Variants in TMEM150C observed in about 807,000 individuals in gnomAD.
The protein encoded by TMEM150C is transmembrane protein 150C.
In TMEM150C, 10 loss-of-function variants were observed where a neutral mutation model predicts 29.9. That is an observed-to-expected ratio of 0.33 (90% CI 0.21 to 0.57). TMEM150C has a LOEUF of 0.57. TMEM150C is among the 20% of genes least tolerant of loss of function. The probability of loss-of-function intolerance (pLI) is 0.88; values close to 1 mark genes in which losing one functional copy is unlikely to be tolerated. For missense variants in TMEM150C, 251 were observed against 303.6 expected (o/e 0.83, Z 1.29); for synonymous variants, 101 against 112.5 (o/e 0.90, Z 0.64).
At chr4:82,560,149 T>A (rs1351240717) in intron 1 of TMEM150C, among the ~76,000 whole-genome samples, 1 of 152,130 alleles carries the variant, frequency 6.6e-6, no homozygotes, top group African/African-American at 2.4e-5. Context: ...TAGAGCAAAT[T>A]ATCCCCCCAC....
chr4:82,518,281 A>C (rs1053026534), intron 1 of TMEM150C, among the ~76,000 whole-genome samples: 71 of 151,384 alleles, frequency 4.7e-4, no homozygotes, highest in African/African-American at 1.7e-3. Context: ...AAGCAACTCC[A>C]CTCCAGCCTG....
At chr4:82,523,961 T>C (rs932142301) in intron 1 of TMEM150C, among the ~76,000 whole-genome samples, 1 of 151,810 alleles carries the variant, frequency 6.6e-6, no homozygotes, top group African/African-American at 2.4e-5. Context: ...GGATTACAGG[T>C]GTGAGCCACT....
chr4:82,521,140 A>G (rs551318769), intron 1 of TMEM150C, among the ~76,000 whole-genome samples: 1 of 152,318 alleles, frequency 6.6e-6, no homozygotes, highest in African/African-American at 2.4e-5. Context: ...TTCCCTGAGC[A>G]TCCCATTGAA....
chr4:82,517,399 C>T (rs1248102798), intron 1 of TMEM150C, among the ~76,000 whole-genome samples: 2 of 152,102 alleles, frequency 1.3e-5, no homozygotes, highest in African/African-American at 4.8e-5. Context: ...CCTGAGTGTG[C>T]TTGTCAGGAT....
At chr4:82,496,883 G>A (rs1448416305) in intron 5 of TMEM150C, among the ~76,000 whole-genome samples, 2 of 152,214 alleles carry the variant, frequency 1.3e-5, no homozygotes, top group African/African-American at 2.4e-5. Context: ...ATCCAAATTA[G>A]AGAAGTGACA....
chr4:82,547,751 G>A (rs1012547314), intron 1 of TMEM150C, among the ~76,000 whole-genome samples: 1 of 152,190 alleles, frequency 6.6e-6, no homozygotes, highest in African/African-American at 2.4e-5. Context: ...AGGAACTGTT[G>A]GTGGGAATAT....
intron 1 of TMEM150C, among the ~76,000 whole-genome samples, chr4:82,546,341 T>C (rs1432295929): frequency 6.6e-6 from 1 of 152,242 alleles, no homozygotes; most frequent in East Asian, 1.9e-4. Flanking sequence ...GACTATACTA[T>C]AAGGTTACAG....
chr4:82,501,247 A>T (rs1292926158), intron 5 of TMEM150C, among the ~76,000 whole-genome samples: 1 of 152,230 alleles, frequency 6.6e-6, no homozygotes, highest in Non-Finnish European at 1.5e-5. Context: ...GGCTGAAAGC[A>T]GTGACAACCA....
chr4:82,507,346 G>T lies in TMEM150C; in HGVS notation c.-10-2679C>A, dbSNP rs143560371. On this transcript the variant is annotated intron_variant, in intron 1 of 7. Coordinates refer to ENST00000449862, the MANE Select transcript of TMEM150C (RefSeq NM_001080506.3). ...TTTTAGGAATGTCTATATGGGAATC[G>T]AAATTTTCAAGCAGGGAGGTAGAGT... Among the ~76,000 whole-genome samples, 365 of 152,252 alleles carry T rather than the reference G, an allele frequency of 2.4e-3. 1 individual carries two copies. The highest frequency in any genetic ancestry group is 8.1e-3 in the African/African-American group (337 of 41,552).
rs562648516 is a variant in TMEM150C, at chr4:82,554,969, T to C, written c.-11+6937A>G. Among the ~76,000 whole-genome samples the C allele has an allele frequency of 9.8e-5, 15 of 152,334 alleles. No homozygotes were observed. The South Asian group carries it at 3.1e-3, about 32-fold the overall frequency. On this transcript the variant is annotated intron_variant, in intron 1 of 7. Transcript: ENST00000449862. ...TTTTTCACGTTAGACACAGCTTCTG[T>C]ACTTTTTAAAGGAAAGTAAGCATGA...
intron 1 of TMEM150C, among the ~76,000 whole-genome samples, chr4:82,531,754 CAAAA>C (rs757992713): frequency 1.6e-5 from 1 of 62,288 alleles, no homozygotes; most frequent in African/African-American, 4.6e-5. Context: ...GACTCTGTCT[CAAAA>C]AAAAAAAAAA....
intron 7 of TMEM150C, 125 bp from the exon 8 acceptor site, chr4:82,485,844 T>G: frequency 1.3e-6 from 1 of 797,406 alleles, no homozygotes; most frequent in Non-Finnish European, 2.0e-6. Context: ...GGTAGCCTGC[T>G]AGAGCTTGTT....
chr4:82,523,079 T>G (rs1315476562), intron 1 of TMEM150C, among the ~76,000 whole-genome samples: 1 of 152,088 alleles, frequency 6.6e-6, no homozygotes, highest in African/African-American at 2.4e-5. Context: ...ACAGCTTTGA[T>G]GAGTGGAGGA....
intron 6 of TMEM150C, chr4:82,490,951 TG>T (rs1331614548): frequency 4.1e-6 from 3 of 728,386 alleles, no homozygotes; most frequent in Non-Finnish European, 5.1e-6. Flanking sequence ...TTTTTGTAAT[TG>T]GTCCTGATAG....
chr4:82,516,793 T>C (rs996739428), intron 1 of TMEM150C, among the ~76,000 whole-genome samples: 8 of 152,286 alleles, frequency 5.3e-5, no homozygotes, highest in African/African-American at 1.7e-4. Flanking sequence ...AAGGAACAAA[T>C]CCTTCAAATA....
At chr4:82,560,688 C>A (rs545897275) in intron 1 of TMEM150C, among the ~76,000 whole-genome samples, 1 of 152,132 alleles carries the variant, frequency 6.6e-6, no homozygotes, top group Non-Finnish European at 1.5e-5. Flanking sequence ...TTAATGACTG[C>A]TACCATGGAG....
intron 5 of TMEM150C, among the ~76,000 whole-genome samples, chr4:82,502,365 G>GCT (rs1219482593): frequency 6.6e-6 from 1 of 151,954 alleles, no homozygotes; most frequent in East Asian, 1.9e-4. Context: ...TTTCATCTTT[G>GCT]CTAGTGAAGG....
At chr4:82,548,322 A>G (rs1725452813) in intron 1 of TMEM150C, among the ~76,000 whole-genome samples, 1 of 152,202 alleles carries the variant, frequency 6.6e-6, no homozygotes, top group Non-Finnish European at 1.5e-5. Context: ...TGTACCTCCT[A>G]AACAGCTGAA....
intron 1 of TMEM150C, among the ~76,000 whole-genome samples, chr4:82,557,975 C>G (rs1392908466): frequency 2.0e-5 from 3 of 152,076 alleles, no homozygotes; most frequent in African/African-American, 7.2e-5. Context: ...TCATGATCCA[C>G]CCGCCTCAGC....
Sources: gnomAD v4.1 joint callset for allele counts (sites outside exome capture counted in the v4.1 genomes callset) on GRCh38, gnomAD v4.1.1 for gene constraint, MANE v1.5 for transcripts, NCBI Gene and HGNC (gene_info 2026-07-23, HGNC 2026-07-21) for gene names.